Variants in FGGY observed in about 807,000 individuals in gnomAD.
FGGY encodes FGGY carbohydrate kinase domain containing.
Under a neutral mutation model 71.3 loss-of-function variants are expected in FGGY, and 72 were observed. That is an observed-to-expected ratio of 1.01 (90% CI 0.84 to 1.23). The LOEUF is 1.23. Ranked by LOEUF, FGGY falls within the 50% of genes most tolerant of loss-of-function variation. FGGY has a pLI of 0.00. For missense variants in FGGY, 668 were observed against 682.3 expected (o/e 0.98, Z 0.23); for synonymous variants, 251 against 250.3 (o/e 1.00, Z -0.02).
chr1:59,644,578 C>G (rs1177519329), intron 11 of FGGY, among the ~76,000 whole-genome samples: 1 of 151,994 alleles, frequency 6.6e-6, no homozygotes, highest in African/African-American at 2.4e-5. Context: ...AAACAGTAAG[C>G]GCTGATGATT....
chr1:59,546,950 CTTTTTTTTTT>C (rs761977942), intron 7 of FGGY, among the ~76,000 whole-genome samples: 2 of 115,190 alleles, frequency 1.7e-5, no homozygotes, highest in African/African-American at 6.8e-5. Flanking sequence ...ACCTTTTTGA[CTTTTTTTTTT>C]TTTTTTTTTT....
intron 11 of FGGY, among the ~76,000 whole-genome samples, chr1:59,654,412 G>C (rs1289665302): frequency 6.6e-6 from 1 of 152,160 alleles, no homozygotes; most frequent in African/African-American, 2.4e-5. Context: ...AAAGCTTTCA[G>C]TGAATTCCCC....
At chr1:59,298,859 A>G (rs2042348602) in intron 1 of FGGY, among the ~76,000 whole-genome samples, 1 of 152,176 alleles carries the variant, frequency 6.6e-6, no homozygotes, top group South Asian at 2.1e-4. Context: ...GTGGTGTCAG[A>G]GATCATCCAA....
At chr1:59,625,660 C>A (rs1240033023) in intron 9 of FGGY, among the ~76,000 whole-genome samples, 1 of 151,924 alleles carries the variant, frequency 6.6e-6, no homozygotes, top group East Asian at 1.9e-4. Flanking sequence ...ACACTCAGAC[C>A]CCCCCCATTT....
chr1:59,461,003 A>C (rs1333552510), intron 6 of FGGY, among the ~76,000 whole-genome samples: 1 of 152,106 alleles, frequency 6.6e-6, no homozygotes, highest in East Asian at 1.9e-4. Flanking sequence ...AAACCAGAGC[A>C]CCTCTTCTCC....
chr1:59,485,173 T>C (rs1170562529), intron 6 of FGGY, among the ~76,000 whole-genome samples: 1 of 152,220 alleles, frequency 6.6e-6, no homozygotes, highest in Admixed American at 6.5e-5. Flanking sequence ...ATGTTACCAG[T>C]AGTCCAGAGA....
At chr1:59,750,399 T>C (rs1553447857) in intron 14 of FGGY, among the ~76,000 whole-genome samples, 4 of 152,126 alleles carry the variant, frequency 2.6e-5, no homozygotes, top group Non-Finnish European at 2.9e-5. Context: ...TTTTGCAAAC[T>C]TTAAATTGAG....
intron 11 of FGGY, among the ~76,000 whole-genome samples, chr1:59,647,318 G>C (rs528278098): frequency 6.6e-6 from 1 of 152,292 alleles, no homozygotes; most frequent in East Asian, 1.9e-4. Context: ...TCAGAAGCAA[G>C]GCAAACAAGG....
At chr1:59,752,569 A>G (rs1046276672) in intron 14 of FGGY, among the ~76,000 whole-genome samples, 1 of 152,118 alleles carries the variant, frequency 6.6e-6, no homozygotes, top group Non-Finnish European at 1.5e-5. Context: ...TAAGTCTACC[A>G]CTCATGGAAT....
chr1:59,709,291 A>C lies in FGGY; in HGVS notation c.1512+35158A>C, dbSNP rs2097776983. 1.3e-5 allele frequency among the ~76,000 whole-genome samples: 2 copies of C among 152,208 alleles called. 1 individual carries two copies. Among genetic ancestry groups the C allele is most frequent in the South Asian group, 4.1e-4 (2 of 4,830 alleles). ...AGACAGCAGGAAAAAGAGTGAGTGC[A>C]GAGGAAACTGCCACTTTTAAGCCAT... On this transcript the variant is annotated intron_variant, in intron 14 of 15. Transcript: ENST00000303721.
chr1:59,546,818 T>A (rs996786256), intron 7 of FGGY, among the ~76,000 whole-genome samples: 1 of 151,972 alleles, frequency 6.6e-6, no homozygotes, highest in Admixed American at 6.6e-5. Context: ...GTGCTGGGAT[T>A]ACAGGCGTGA....
chr1:59,472,620 A>G (rs1253452644), intron 6 of FGGY, among the ~76,000 whole-genome samples: 1 of 152,190 alleles, frequency 6.6e-6, no homozygotes, highest in African/African-American at 2.4e-5. Flanking sequence ...GGCACTCTGT[A>G]TCTAGGTCAA....
At chr1:59,512,473 G>T (rs764801943) in intron 7 of FGGY, 34 bp downstream of exon 7, 3 of 1,600,226 alleles carry the variant, frequency 1.9e-6, no homozygotes, top group African/African-American at 2.7e-5. Flanking sequence ...AGCCAAAACC[G>T]TATTCAAATG....
chr1:59,564,077 C>T (rs59416792), intron 8 of FGGY, among the ~76,000 whole-genome samples: 10 of 152,054 alleles, frequency 6.6e-5, no homozygotes, highest in South Asian at 2.1e-4. Flanking sequence ...GACCTGAAAC[C>T]GTAAAAAACC....
intron 14 of FGGY, chr1:59,699,331 A>C: frequency 1.0e-6 from 1 of 985,174 alleles, no homozygotes; most frequent in South Asian, 4.7e-5. Context: ...TTCTGTATTA[A>C]ATGATGTCTG....
chr1:59,730,224 T>C (rs555463136), intron 14 of FGGY, among the ~76,000 whole-genome samples: 3 of 152,248 alleles, frequency 2.0e-5, no homozygotes, highest in Admixed American at 2.0e-4. Context: ...GTCCTTTCTC[T>C]TCAGATTTCA....
intron 1 of FGGY, among the ~76,000 whole-genome samples, chr1:59,317,254 GA>G (rs1570243337): frequency 6.6e-6 from 1 of 152,302 alleles, no homozygotes; most frequent in Non-Finnish European, 1.5e-5. Flanking sequence ...GTTTTAGCTG[GA>G]TGTTGTGGAA....
At chr1:59,656,105 A>G (rs1474493036) in intron 11 of FGGY, among the ~76,000 whole-genome samples, 1 of 152,224 alleles carries the variant, frequency 6.6e-6, no homozygotes, top group Non-Finnish European at 1.5e-5. Flanking sequence ...GCTTTCTCTT[A>G]TAGTTCTCTT....
At chr1:59,595,758 G>A (rs2096516045) in intron 8 of FGGY, among the ~76,000 whole-genome samples, 1 of 152,082 alleles carries the variant, frequency 6.6e-6, no homozygotes, top group Non-Finnish European at 1.5e-5. Flanking sequence ...AGGACTGACT[G>A]TACCCTATAT....
Sources: allele counts gnomAD v4.1 joint callset (sites outside exome capture counted in the v4.1 genomes callset), GRCh38; gene constraint gnomAD v4.1.1; transcripts MANE v1.5; gene names NCBI Gene and HGNC (gene_info 2026-07-23, HGNC 2026-07-21).